Variants in VWA7 observed in about 807,000 individuals in gnomAD.
VWA7 encodes the protein von Willebrand factor A domain-containing protein 7.
In VWA7, 66 loss-of-function variants were observed where a neutral mutation model predicts 83.1. That is an observed-to-expected ratio of 0.79 (90% CI 0.65 to 0.98). The LOEUF is 0.98. Ranked by LOEUF, VWA7 falls within the 50% of genes least tolerant of loss-of-function variation. The pLI, the probability that VWA7 is intolerant of heterozygous loss-of-function variation, is 0.00. For synonymous variants in VWA7, 424 were observed against 488.5 expected (o/e 0.87, Z 1.74); for missense variants, 1,080 against 1,160.2 (o/e 0.93, Z 1.00).
Position 31,776,071 on chromosome 6 carries a change from C to G in VWA7, c.406G>C (p.Gly136Arg). Reference sequence around the variant, plus strand: ...AGAGCCCCTACCAGGCGCGCGCGTCCCTGACCCAGTCGCTCAGCATCAAAG... The same window carrying G: ...AGAGCCCCTACCAGGCGCGCGCGTCGCTGACCCAGTCGCTCAGCATCAAAG... Reference protein sequence around the residue: ...LHFDAERLGQGRARLVGALRE... With the variant: ...LHFDAERLGQRRARLVGALRE... Residue 136 changes from glycine to arginine, a missense_variant, in exon 3 of 17, where the codon GGA becomes CGA. Transcript: ENST00000375688. This position sits in a 1 kb window ranked among gnomAD's most constrained non-coding sequence, Gnocchi z 6.2. 6.2e-7 allele frequency: 1 copy of G among 1,613,878 alleles called. No homozygotes were observed. The highest frequency in any genetic ancestry group is 1.3e-5 in the African/African-American group (1 of 75,034).
rs2151408010 is a variant in VWA7, at chr6:31,775,146, A to G, written c.610+187T>C. Among the ~76,000 whole-genome samples, 1 of 152,242 alleles carries G rather than the reference A, an allele frequency of 6.6e-6. No individual in the cohort carries two copies. The highest frequency in any genetic ancestry group is 1.5e-5 in the Non-Finnish European group (1 of 68,020). Reference sequence around the variant, plus strand: ...GAGGTCTGGAGACCTGGTCCTAGCTACTTTTCCCTGTGTGACCTTGGGGAA... The same window carrying G: ...GAGGTCTGGAGACCTGGTCCTAGCTGCTTTTCCCTGTGTGACCTTGGGGAA... On this transcript the variant is annotated intron_variant, in intron 4 of 16. Coordinates refer to ENST00000375688, the MANE Select transcript of VWA7 (RefSeq NM_025258.3). This position sits in a 1 kb window ranked among gnomAD's most constrained non-coding sequence, Gnocchi z 5.9.
In VWA7 at chr6:31,775,415, A is replaced by G; in HGVS notation, c.528T>C (p.His176=). 1 of 1,612,178 alleles carries G rather than the reference A, an allele frequency of 6.2e-7. No homozygotes were observed. The highest frequency in any genetic ancestry group is 1.7e-5 in the Admixed American group (1 of 59,910). Residue 176 remains histidine, a synonymous_variant, in exon 4 of 17, where the codon CAT becomes CAC. Coordinates refer to ENST00000375688, the MANE Select transcript of VWA7 (RefSeq NM_025258.3). This position sits in a 1 kb window ranked among gnomAD's most constrained non-coding sequence, Gnocchi z 5.9. ...GCTCGCCCAGCTCCACCCAGTTGCT[A>G]TGACTGTAGAAATCCTGGTCCGGAG... ...ALHALQDFYS[H]SNWVELGEQQ... is the part of the protein sequence containing the mutation.
chr6:31,774,568 G>T lies in VWA7; in HGVS notation c.669C>A (p.Gly223=). The stretch of plus-strand genomic sequence containing the variant: ...AGTAGCCAGAGGTGAGGAGTGTGAA[G>T]CCCAGCCAATTCCTGGGGCAGCTCA... ...EELSCPRNWL[G]FTLLTSGYFG... Residue 223 remains glycine (G), a synonymous_variant, in exon 5 of 17, where the codon GGC becomes GGA. Coordinates refer to ENST00000375688, the MANE Select transcript of VWA7 (RefSeq NM_025258.3). The T allele has an allele frequency of 6.2e-7, 1 of 1,612,886 alleles. No homozygotes were observed. Among genetic ancestry groups the T allele is most frequent in the Non-Finnish European group, 8.5e-7 (1 of 1,179,968 alleles).
In VWA7 at chr6:31,766,164, G is replaced by A. The variant is rs1321210295; in HGVS notation, c.2324+81C>T. The A allele has an allele frequency of 3.8e-6, 6 of 1,593,212 alleles. No homozygotes were observed. The highest frequency in any genetic ancestry group is 3.4e-6 in the Non-Finnish European group (4 of 1,168,354). On this transcript the variant is annotated intron_variant, in intron 15 of 16. Transcript: ENST00000375688. This position sits in a 1 kb window ranked among gnomAD's most constrained non-coding sequence, Gnocchi z 4.9. ...GAGAGGAGGATTCTGAGGGCCAGTCGGAGGGGGACAGGGGCAGGGCTTGGG... is the reference window on the plus strand; with the variant it reads ...GAGAGGAGGATTCTGAGGGCCAGTCAGAGGGGGACAGGGGCAGGGCTTGGG...
Position 31,777,018 on chromosome 6 carries a change from C to A in VWA7, c.-16+91G>T, listed in dbSNP as rs1239045006. The A allele has an allele frequency of 7.2e-6, 3 of 419,076 alleles. No homozygotes were observed. Among genetic ancestry groups the A allele is most frequent in the Non-Finnish European group, 8.4e-6 (2 of 237,592 alleles). The allele number at this position is 419,076 out of a possible 1,614,324, so 26.0% of individuals were successfully genotyped here. ...GGGTCCAAGGTTCCTCCCCCACGCC[C>A]CCCTCCCCAGTCCCTGGCTGCGTCC... On this transcript the variant is annotated intron_variant, in intron 1 of 16. Coordinates refer to ENST00000375688, the MANE Select transcript of VWA7 (RefSeq NM_025258.3). This position sits in a 1 kb window ranked among gnomAD's most constrained non-coding sequence, Gnocchi z 5.8.
Position 31,774,615 on chromosome 6 carries a change from T to G in VWA7, c.622A>C (p.Thr208Pro). 2 of 1,612,078 alleles carry G rather than the reference T, an allele frequency of 1.2e-6. No individual in the cohort carries two copies. The highest frequency in any genetic ancestry group is 1.7e-6 in the Non-Finnish European group (2 of 1,179,630). ...LQNLAQVADP[T>P]CSDCEELSCP... ...CTCAACTCCTCGCAATCGGAGCAGG[T>G]AGGATCGGCCACTGGGAAGAGAGGG... is the stretch of plus-strand genomic sequence containing the variant. The change falls in exon 5 of 17, where the codon ACC (threonine) becomes CCC (proline). Residue 208 changes from threonine to proline, a missense_variant. Physicochemically the swap from Thr to Pro is conservative, Grantham distance 38. Transcript: ENST00000375688.
intron 16 of VWA7, 43 bp downstream of exon 16, chr6:31,765,840 C>G (rs754697238): frequency 4.4e-6 from 7 of 1,608,162 alleles, no homozygotes; most frequent in Non-Finnish European, 5.9e-6. Context: ...CACCACCCTC[C>G]CCGGCCTTGC....
rs1293613562 is a variant in VWA7, at chr6:31,776,753, G to A, written c.27C>T (p.Ser9=). Residue 9 remains serine, a synonymous_variant, in exon 2 of 17, where the codon TCC becomes TCT. Coordinates refer to ENST00000375688, the MANE Select transcript of VWA7 (RefSeq NM_025258.3). This position sits in a 1 kb window ranked among gnomAD's most constrained non-coding sequence, Gnocchi z 6.2. Reference sequence around the variant, plus strand: ...GAAGCAACGCTGAGGGGCCCGGGTGGGATTGGGGGACCTCCGTGGGGAGCA... The same window carrying A: ...GAAGCAACGCTGAGGGGCCCGGGTGAGATTGGGGGACCTCCGTGGGGAGCA... The part of the protein sequence containing the change: MLPTEVPQ[S]HPGPSALLLL... The A allele has an allele frequency of 1.4e-6, 2 of 1,452,398 alleles. No individual in the cohort carries two copies. Among genetic ancestry groups the A allele is most frequent in the Non-Finnish European group, 1.8e-6 (2 of 1,096,442 alleles). 90.0% of individuals were successfully genotyped at this position (1,452,398 alleles called of 1,614,324 possible). A position where few individuals can be genotyped will look rare whatever the true frequency, so the allele number is the denominator to read the frequency against.
In VWA7 at chr6:31,767,478, A is replaced by G. The variant is rs1248797802; in HGVS notation, c.1673T>C (p.Leu558Pro). The G allele has an allele frequency of 6.2e-7, 1 of 1,612,018 alleles. No homozygotes were observed. The highest frequency in any genetic ancestry group is 1.3e-5 in the African/African-American group (1 of 74,890). ...CTGCCCAAAGCGGCGAGTGTGACCT[A>G]GAGGACCCCCGCCTTCCTCCTGGCC... Reference protein sequence around the residue: ...SQGQEEGGGPLGHTRRFGQFW... With the variant: ...SQGQEEGGGPPGHTRRFGQFW... The change falls in exon 12 of 17, where the codon CTA becomes CCA. Residue 558 changes from leucine to proline, a missense_variant. By Grantham distance (98) the Leu-to-Pro change is moderately conservative. Transcript: ENST00000375688.
In VWA7 at chr6:31,774,156, A is replaced by G. The variant is rs1485931507; in HGVS notation, c.721+360T>C. Among the ~76,000 whole-genome samples the G allele has an allele frequency of 4.5e-3, 563 of 124,232 alleles. 3 individuals carry two copies. The highest frequency in any genetic ancestry group is 0.014 in the African/African-American group (494 of 35,388). The allele number at this position is 124,232 out of a possible 152,430, so 81.5% of individuals were successfully genotyped here. A position where few individuals can be genotyped will look rare whatever the true frequency, so the allele number is the denominator to read the frequency against. ...GCAAAAAGAACAAAACTCCATCTCA[A>G]AAAAAAAAAAAAAAAAAAAGGATAA... On this transcript the variant is annotated intron_variant, in intron 5 of 16. Coordinates refer to ENST00000375688, the MANE Select transcript of VWA7 (RefSeq NM_025258.3).
Position 31,775,419 on chromosome 6 carries a change from CTG to C in VWA7, c.522_523del (p.Tyr174Ter), listed in dbSNP as rs766406434. On this transcript the variant is annotated stop_gained and frameshift_variant, in exon 4 of 17. Coordinates refer to ENST00000375688, the MANE Select transcript of VWA7 (RefSeq NM_025258.3). LOFTEE classifies it high-confidence loss of function. This position sits in a 1 kb window ranked among gnomAD's most constrained non-coding sequence, Gnocchi z 5.9. ...GCCCAGCTCCACCCAGTTGCTATGACTGTAGAAATCCTGGTCCGGAGGACAGG... is the reference window on the plus strand; with the variant it reads ...GCCCAGCTCCACCCAGTTGCTATGACTAGAAATCCTGGTCCGGAGGACAGG... 85 of 1,612,048 alleles carry C rather than the reference CTG, an allele frequency of 5.3e-5. No individual in the cohort carries two copies. Among genetic ancestry groups the C allele is most frequent in the Non-Finnish European group, 6.9e-5 (81 of 1,179,592 alleles).
At chr6:31,770,390 A>T (rs1247791141) in intron 7 of VWA7, among the ~76,000 whole-genome samples, 1 of 150,862 alleles carries the variant, frequency 6.6e-6, no homozygotes, top group African/African-American at 2.4e-5. Context: ...AAAATATAAA[A>T]ATTAGCTGGG....
chr6:31,768,907 T>C (rs1811892653), intron 10 of VWA7, 111 bp downstream of exon 10: 1 of 1,212,516 alleles, frequency 8.2e-7, no homozygotes, highest in Non-Finnish European at 1.1e-6. Flanking sequence ...TCCTGCCCCG[T>C]GACTGGAAGA....
In VWA7 at chr6:31,773,686, A is replaced by C. The variant is rs936333717; in HGVS notation, c.722-249T>G. Among the ~76,000 whole-genome samples the C allele has an allele frequency of 2.0e-5, 3 of 152,028 alleles. No homozygotes were observed. The highest frequency in any genetic ancestry group is 6.6e-5 in the Admixed American group (1 of 15,254). On this transcript the variant is annotated intron_variant, in intron 5 of 16. Transcript: ENST00000375688. This position sits in a 1 kb window ranked among gnomAD's most constrained non-coding sequence, Gnocchi z 5.3. ...ACATGGTGAAGCTCTGTTTCTACTA[A>C]AACTATAAAAATTAGCCAGGTGTGG...
chr6:31,768,764 A>G (rs1811877507), intron 10 of VWA7, among the ~76,000 whole-genome samples: 1 of 152,122 alleles, frequency 6.6e-6, no homozygotes, highest in African/African-American at 2.4e-5. Context: ...GAATCCCTTG[A>G]ACCCGGGAGG....
At position 31,776,920 on chromosome 6, in the gene VWA7, A is replaced by G. The variant is rs1192016071; in HGVS notation, c.-15-126T>C. 2.0e-6 allele frequency: 1 copy of G among 509,708 alleles called. No homozygotes were observed. Among genetic ancestry groups the G allele is most frequent in the Non-Finnish European group, 3.3e-6 (1 of 302,508 alleles). The allele number at this position is 509,708 out of a possible 1,614,324, so 31.6% of individuals were successfully genotyped here. On this transcript the variant is annotated intron_variant, in intron 1 of 16. Transcript: ENST00000375688. The surrounding 1 kb of genome is among the most constrained non-coding windows in gnomAD (Gnocchi z 6.2). ...GTGTCTGCTCCAGCCTGGCTTCCCC[A>G]CCCTCTCGCTGTCACCCAGACAACC...
In VWA7 at chr6:31,775,443, C is replaced by T. The variant is rs1486216288; in HGVS notation, c.514-14G>A. The T allele has an allele frequency of 1.2e-6, 2 of 1,609,126 alleles. No individual in the cohort carries two copies. The highest frequency in any genetic ancestry group is 1.7e-6 in the Non-Finnish European group (2 of 1,177,926). ...ACTGTAGAAATCCTGGTCCGGAGGA[C>T]AGGAGAAGGGGAGTGAGGCACTAGT... On this transcript the variant is annotated splice_polypyrimidine_tract_variant and intron_variant, in intron 3 of 16. Transcript: ENST00000375688. This position sits in a 1 kb window ranked among gnomAD's most constrained non-coding sequence, Gnocchi z 5.9.
rs1387144226 is a variant in VWA7 at position 31,766,356 on chromosome 6, G to A, written c.2213C>T (p.Pro738Leu). 10 of 1,605,064 alleles carry A rather than the reference G, an allele frequency of 6.2e-6. No individual in the cohort carries two copies. The highest frequency in any genetic ancestry group is 3.5e-5 in the Admixed American group (2 of 57,874). ...GAGACTGAGCGGGACTTTGCTGCCCGGGGCCAAGAAACCCGAGGGGCCACT... is the reference window on the plus strand; with the variant it reads ...GAGACTGAGCGGGACTTTGCTGCCCAGGGCCAAGAAACCCGAGGGGCCACT... ...ELSGPSGFLA[P>L]GSKVPLSLRI... The change falls in exon 15 of 17, where the codon CCG becomes CTG. Residue 738 changes from proline (P) to leucine (L), a missense_variant. By Grantham distance (98) the Pro-to-Leu change is moderately conservative. Coordinates refer to ENST00000375688, the MANE Select transcript of VWA7 (RefSeq NM_025258.3). This position sits in a 1 kb window ranked among gnomAD's most constrained non-coding sequence, Gnocchi z 4.9.
chr6:31,771,232 G>C (rs1196350634), intron 7 of VWA7: 1 of 152,108 alleles, frequency 6.6e-6, no homozygotes, highest in Non-Finnish European at 1.5e-5. Flanking sequence ...AGCCACTGTA[G>C]GATGTATGCA....
Sources: allele counts gnomAD v4.1 joint callset (sites outside exome capture counted in the v4.1 genomes callset), GRCh38; gene constraint gnomAD v4.1.1; non-coding constraint Gnocchi (gnomAD v3.1); transcripts MANE v1.5; gene names NCBI Gene and HGNC (gene_info 2026-07-23, HGNC 2026-07-21).